The following ZNF488 variants were observed in gnomAD, a reference collection of about 807,000 sequenced individuals.
ZNF488 encodes the protein zinc finger protein 488.
Under a neutral mutation model 1.2 loss-of-function variants are expected in ZNF488, and 1 was observed. The ratio of observed to expected loss-of-function variants is 0.86; its 90% CI spans 0.30 to 4.07. The LOEUF is 4.07. Among genes scored for constraint, ZNF488 ranks in the 30% most tolerant of loss-of-function variants. The pLI is 0.18. For synonymous variants in ZNF488, 185 were observed against 190.1 expected (o/e 0.97, Z 0.22); for missense variants, 450 against 437.9 (o/e 1.03, Z -0.25).
rs202233826 is a variant in ZNF488, at chr10:47,368,382, C to T, written c.448G>A (p.Val150Met). ...TCACTTCGTGCTCCGCTGGGCCACA[C>T]AGAGAAGACTTTGCTGCCAGCTGGG... The part of the protein sequence containing the change: ...RGPAGSKVFS[V>M]WPSGARSEQR... The change falls in exon 2 of 2, where the codon GTG becomes ATG. Residue 150 changes from valine to methionine, a missense_variant. Transcript: ENST00000585316. 19 of 1,614,088 alleles carry T rather than the reference C, an allele frequency of 1.2e-5. No homozygotes were observed. The highest frequency in any genetic ancestry group is 2.2e-5 in the East Asian group (1 of 44,890).
At chr10:47,372,780 C>T (rs536106716) in intron 1 of ZNF488, among the ~76,000 whole-genome samples, 20 of 152,268 alleles carry the variant, frequency 1.3e-4, no homozygotes, top group Non-Finnish European at 1.9e-4. Context: ...AGGAGAGCAC[C>T]GACCTCGCCC....
intron 1 of ZNF488, among the ~76,000 whole-genome samples, chr10:47,375,466 T>C (rs1485160611): frequency 6.6e-6 from 1 of 152,220 alleles, no homozygotes; most frequent in Non-Finnish European, 1.5e-5. Flanking sequence ...AATCAAGGCT[T>C]GATTTCTTGT....
intron 1 of ZNF488, among the ~76,000 whole-genome samples, chr10:47,376,385 G>A (rs1468925895): frequency 2.6e-5 from 4 of 152,282 alleles, no homozygotes; most frequent in South Asian, 2.1e-4. Context: ...GGAATTCAGC[G>A]AGACAGAGAG....
In ZNF488 at chr10:47,368,758, G is replaced by A; in HGVS notation, c.72C>T (p.Ala24=). The change falls in exon 2 of 2, where the codon GCC becomes GCT. Residue 24 remains alanine, a synonymous_variant. Coordinates refer to ENST00000585316, the MANE Select transcript of ZNF488 (RefSeq NM_153034.4). The part of the protein sequence containing the change: ...LVITMAAGKG[A]PLSPSAENRW... ...TGTTTTCAGCCGATGGGCTCAACGG[G>A]GCTCCCTTCCCAGCTGCCATGGTGA... 1 of 1,612,900 alleles carries A rather than the reference G, an allele frequency of 6.2e-7. No homozygotes were observed. Among genetic ancestry groups the A allele is most frequent in the Non-Finnish European group, 8.5e-7 (1 of 1,179,790 alleles).
At chr10:47,379,628 T>G (rs797039188) in intron 1 of ZNF488, among the ~76,000 whole-genome samples, 2 of 132,084 alleles carry the variant, frequency 1.5e-5, no homozygotes, top group Non-Finnish European at 3.3e-5. Flanking sequence ...ACCGAAGACC[T>G]GCAAGGTGGA....
Position 47,368,445 on chromosome 10 carries a change from G to C in ZNF488, c.385C>G (p.Pro129Ala), listed in dbSNP as rs782673537. The C allele has an allele frequency of 7.4e-6, 12 of 1,613,980 alleles. No homozygotes were observed. ...TTCTGGGTCAGCTGTGGGGCACCAG[G>C]TTGGCCTGTGGGGTCATCGTGCTCC... ...EREHDDPTGQ[P>A]GAPQLTQNIP... Residue 129 changes from proline to alanine, a missense_variant, in exon 2 of 2, where the codon CCT (proline) becomes GCT (alanine). Physicochemically the swap from Pro to Ala is conservative, Grantham distance 27. Coordinates refer to ENST00000585316, the MANE Select transcript of ZNF488 (RefSeq NM_153034.4).
intron 1 of ZNF488, among the ~76,000 whole-genome samples, chr10:47,370,813 C>A (rs1169822709): frequency 1.3e-5 from 2 of 152,080 alleles, no homozygotes; most frequent in African/African-American, 4.8e-5. Context: ...ATTCTATGCA[C>A]ACACACACAC....
intron 1 of ZNF488, among the ~76,000 whole-genome samples, chr10:47,372,941 C>A (rs1304853152): frequency 6.6e-6 from 1 of 152,128 alleles, no homozygotes; most frequent in Non-Finnish European, 1.5e-5. Flanking sequence ...TGCTTCATCC[C>A]CACTGGAATC....
chr10:47,381,285 T>C (rs938744451), intron 1 of ZNF488, among the ~76,000 whole-genome samples: 2 of 148,840 alleles, frequency 1.3e-5, no homozygotes, highest in Non-Finnish European at 3.0e-5. Flanking sequence ...TCTCTTCAGT[T>C]AAAACACACA....
intron 1 of ZNF488, among the ~76,000 whole-genome samples, chr10:47,379,144 G>A (rs1349353216): frequency 6.6e-6 from 1 of 152,214 alleles, no homozygotes; most frequent in Non-Finnish European, 1.5e-5. Flanking sequence ...ATGCTTCAGG[G>A]TATCAGAATA....
chr10:47,368,577 G>A lies in ZNF488; in HGVS notation c.253C>T (p.Pro85Ser). Residue 85 changes from proline (P) to serine (S), a missense_variant, in exon 2 of 2, where the codon CCT becomes TCT. Physicochemically the swap from Pro to Ser is moderately conservative, Grantham distance 74 (BLOSUM62 -1). Coordinates refer to ENST00000585316, the MANE Select transcript of ZNF488 (RefSeq NM_153034.4). ...ALLVAPGKPR[P>S]GKPLPPKTRG... is the part of the protein sequence containing the mutation. Reference sequence around the variant, plus strand: ...GTCTTCGGGGGCAGCGGCTTGCCAGGTCGGGGCTTGCCTGGGGCTACCAAC... The same window carrying A: ...GTCTTCGGGGGCAGCGGCTTGCCAGATCGGGGCTTGCCTGGGGCTACCAAC... The A allele has an allele frequency of 1.2e-6, 2 of 1,611,482 alleles. No homozygotes were observed. The highest frequency in any genetic ancestry group is 1.7e-6 in the Non-Finnish European group (2 of 1,179,830).
intron 1 of ZNF488, among the ~76,000 whole-genome samples, chr10:47,372,003 G>A (rs1837489099): frequency 2.6e-5 from 4 of 152,198 alleles, no homozygotes; most frequent in Admixed American, 2.0e-4. Context: ...AGCTTTGGAA[G>A]AAGGGTGAAA....
chr10:47,381,054 C>T (rs75061887), intron 1 of ZNF488, among the ~76,000 whole-genome samples: 14,700 of 106,362 alleles, frequency 0.14, no homozygotes, highest in African/African-American at 0.18. Context: ...ACCAAACAGC[C>T]TGGGCATTTT....
chr10:47,381,999 G>C (rs1359924295), intron 1 of ZNF488, among the ~76,000 whole-genome samples: 1 of 152,274 alleles, frequency 6.6e-6, no homozygotes, highest in Non-Finnish European at 1.5e-5. Context: ...GTCACATAAA[G>C]GGACTGAATT....
At chr10:47,381,308 A>T (rs1191529641) in intron 1 of ZNF488, among the ~76,000 whole-genome samples, 16 of 152,140 alleles carry the variant, frequency 1.1e-4, no homozygotes, top group Non-Finnish European at 2.4e-4. Context: ...AGCAGAAAAT[A>T]CCTCCTGTCT....
At chr10:47,374,820 T>G (rs1837616259) in intron 1 of ZNF488, among the ~76,000 whole-genome samples, 1 of 152,164 alleles carries the variant, frequency 6.6e-6, no homozygotes, top group African/African-American at 2.4e-5. Context: ...CTTCAGCTCA[T>G]GGGACTCGAC....
intron 1 of ZNF488, among the ~76,000 whole-genome samples, chr10:47,377,374 T>G (rs992363748): frequency 1.3e-5 from 2 of 152,140 alleles, no homozygotes; most frequent in African/African-American, 4.8e-5. Context: ...TCTGACACTG[T>G]GATCTACCTG....
intron 1 of ZNF488, among the ~76,000 whole-genome samples, chr10:47,382,834 G>T (rs926279274): frequency 2.0e-5 from 3 of 152,060 alleles, no homozygotes; most frequent in South Asian, 2.1e-4. Flanking sequence ...TTCATTAAAG[G>T]TCATAATAAA....
Position 47,367,798 on chromosome 10 carries a change from G to A in ZNF488, c.*9C>T, listed in dbSNP as rs76541972. 2,073 of 1,600,676 alleles carry A rather than the reference G, an allele frequency of 1.3e-3. 26 individuals are homozygous for A. The African/African-American group carries it at 0.024, about 18-fold the overall frequency. On this transcript the variant is annotated 3_prime_UTR_variant, in exon 2 of 2. Coordinates refer to ENST00000585316, the MANE Select transcript of ZNF488 (RefSeq NM_153034.4). Reference sequence around the variant, plus strand: ...TGCTGCACCCAGCAGGTCATTCTGCGGTCACCTGCTAGCTGTGAGAAGTCA... The same window carrying A: ...TGCTGCACCCAGCAGGTCATTCTGCAGTCACCTGCTAGCTGTGAGAAGTCA...
Sources: allele counts gnomAD v4.1 joint callset (sites outside exome capture counted in the v4.1 genomes callset), GRCh38; gene constraint gnomAD v4.1.1; transcripts MANE v1.5; gene names NCBI Gene and HGNC (gene_info 2026-07-23, HGNC 2026-07-21).